The following SLC17A5 variants were observed in gnomAD, a reference collection of about 807,000 sequenced individuals.
The protein encoded by SLC17A5 is solute carrier family 17 member 5, also known as sialin.
SLC17A5 carries 47 observed loss-of-function variants against 59.4 expected under a neutral mutation model. That is an observed-to-expected ratio of 0.79 (90% CI 0.63 to 1.01). SLC17A5 has a LOEUF of 1.01. Ranked by LOEUF, SLC17A5 falls within the 50% of genes least tolerant of loss-of-function variation. The pLI, the probability that SLC17A5 is intolerant of heterozygous loss-of-function variation, is 0.00. For missense variants in SLC17A5, 522 were observed against 595.5 expected (o/e 0.88, Z 1.28); for synonymous variants, 202 against 210.7 (o/e 0.96, Z 0.36).
intron 3 of SLC17A5, among the ~76,000 whole-genome samples, chr6:73,640,023 G>A (rs1021796626): frequency 7.9e-5 from 12 of 152,142 alleles, no homozygotes; most frequent in African/African-American, 2.9e-4. Flanking sequence ...TCCAGCCTGG[G>A]CAACAGAGTG....
chr6:73,641,383 T>C (rs1769276836), intron 3 of SLC17A5, among the ~76,000 whole-genome samples: 2 of 152,176 alleles, frequency 1.3e-5, no homozygotes, highest in South Asian at 4.1e-4. Flanking sequence ...CCGGACTATC[T>C]TAACCATTTA....
chr6:73,621,692 C>T lies in SLC17A5; in HGVS notation c.978+112G>A, dbSNP rs148613295. 1,126 of 862,376 alleles carry T rather than the reference C, an allele frequency of 1.3e-3. 8 individuals are homozygous for T. The African/African-American group carries it at 0.015, about 12-fold the overall frequency. 53.4% of individuals were successfully genotyped at this position (862,376 alleles called of 1,614,324 possible). On this transcript the variant is annotated intron_variant, in intron 7 of 10. Coordinates refer to ENST00000355773, the MANE Select transcript of SLC17A5 (RefSeq NM_012434.5). The stretch of plus-strand genomic sequence containing the variant: ...GTATAAGAATCTCTAAAATTTAGGA[C>T]AGCAGAGTAAAATGGAAGATACAGA...
chr6:73,611,959 G>GT, intron 8 of SLC17A5, among the ~76,000 whole-genome samples: 1 of 151,656 alleles, frequency 6.6e-6, no homozygotes, highest in Non-Finnish European at 1.5e-5. Flanking sequence ...GGCTTCCTGA[G>GT]TAGCTGGGAC....
intron 1 of SLC17A5, among the ~76,000 whole-genome samples, chr6:73,647,037 G>A (rs879399779): frequency 6.6e-6 from 1 of 152,120 alleles, no homozygotes; most frequent in Non-Finnish European, 1.5e-5. Flanking sequence ...CTGGATGGGG[G>A]ACTCAAAAAT....
intron 3 of SLC17A5, among the ~76,000 whole-genome samples, chr6:73,639,378 T>TG (rs1769171679): frequency 6.6e-6 from 1 of 152,274 alleles, no homozygotes; most frequent in South Asian, 2.1e-4. Flanking sequence ...AGAATAAATG[T>TG]TTTAATACTT....
At position 73,631,563 on chromosome 6, in the gene SLC17A5, G is replaced by T. The variant is rs140939990; in HGVS notation, c.819+3819C>A. On this transcript the variant is annotated intron_variant, in intron 6 of 10. Coordinates refer to ENST00000355773, the MANE Select transcript of SLC17A5 (RefSeq NM_012434.5). Reference sequence around the variant, plus strand: ...CTAAGATGCCCCATGGTTCTTCATGGTGTGCTTTCTTCCTCACTGCAACGA... The same window carrying T: ...CTAAGATGCCCCATGGTTCTTCATGTTGTGCTTTCTTCCTCACTGCAACGA... 3.4e-4 allele frequency among the ~76,000 whole-genome samples: 51 copies of T among 151,924 alleles called. 1 individual carries two copies. The highest frequency in any genetic ancestry group is 1.2e-3 in the African/African-American group (51 of 41,222).
Position 73,618,378 on chromosome 6 carries a change from A to G in SLC17A5, c.979-2931T>C, listed in dbSNP as rs528457592. On this transcript the variant is annotated intron_variant, in intron 7 of 10. Transcript: ENST00000355773. ...CAAAAAATTTCCTTCATCCCTCTCC[A>G]GAAGAGGAGAAGAGGAAACACAAGA... 25 of 290,416 alleles carry G rather than the reference A, an allele frequency of 8.6e-5. No individual in the cohort carries two copies. The East Asian group carries it at 1.5e-3, about 18-fold the overall frequency. The allele number at this position is 290,416 out of a possible 1,614,324, so 18.0% of individuals were successfully genotyped here. A position where few individuals can be genotyped will look rare whatever the true frequency, so the allele number is the denominator to read the frequency against.
chr6:73,618,415 G>T (rs1317362555), intron 7 of SLC17A5: 4 of 333,564 alleles, frequency 1.2e-5, no homozygotes, highest in African/African-American at 6.4e-5. Flanking sequence ...GAAATGCCTG[G>T]TGCAGAGCAC....
intron 1 of SLC17A5, chr6:73,645,292 G>T: frequency 2.0e-6 from 2 of 984,232 alleles, no homozygotes; most frequent in Non-Finnish European, 2.4e-6. Flanking sequence ...TTCTTACCTC[G>T]AAGAGTATCC....
chr6:73,617,000 A>G (rs1767902969), intron 7 of SLC17A5, among the ~76,000 whole-genome samples: 2 of 152,056 alleles, frequency 1.3e-5, no homozygotes, highest in South Asian at 2.1e-4. Flanking sequence ...AAACAAACAA[A>G]AAAAGCTTGG....
intron 6 of SLC17A5, among the ~76,000 whole-genome samples, chr6:73,624,679 T>A (rs1433761843): frequency 6.6e-6 from 1 of 151,780 alleles, no homozygotes; most frequent in Non-Finnish European, 1.5e-5. Flanking sequence ...ATCAAGACCA[T>A]CCTGGCCAAC....
chr6:73,619,779 A>G (rs1369107574), intron 7 of SLC17A5, among the ~76,000 whole-genome samples: 1 of 152,092 alleles, frequency 6.6e-6, no homozygotes, highest in East Asian at 1.9e-4. Context: ...ACACAACATT[A>G]ATTACTGGCC....
intron 9 of SLC17A5, among the ~76,000 whole-genome samples, chr6:73,606,591 G>C (rs548778177): frequency 7.2e-4 from 107 of 149,608 alleles, no homozygotes; most frequent in Non-Finnish European, 1.3e-3. Flanking sequence ...CCACCCACCT[G>C]ATGCTTGAAG....
At chr6:73,648,714 A>G (rs964859889) in intron 1 of SLC17A5, among the ~76,000 whole-genome samples, 5 of 152,180 alleles carry the variant, frequency 3.3e-5, no homozygotes, top group African/African-American at 1.2e-4. Flanking sequence ...AAAAAGGAAC[A>G]AAAGAGGCAC....
chr6:73,625,640 C>T (rs370315286), intron 6 of SLC17A5, among the ~76,000 whole-genome samples: 3 of 150,668 alleles, frequency 2.0e-5, no homozygotes, highest in African/African-American at 7.5e-5. Flanking sequence ...ATTGAATAAA[C>T]AAAACAAAAA....
At chr6:73,642,107 A>T (rs1033898339) in intron 2 of SLC17A5, among the ~76,000 whole-genome samples, 183 bp from the exon 3 acceptor site, 1 of 152,244 alleles carries the variant, frequency 6.6e-6, no homozygotes, top group Non-Finnish European at 1.5e-5. Context: ...TTTAGAAGTG[A>T]ATGAAAAAGA....
chr6:73,604,893 TG>T (rs1581958727), intron 9 of SLC17A5, among the ~76,000 whole-genome samples: 1 of 152,350 alleles, frequency 6.6e-6, no homozygotes, highest in East Asian at 1.9e-4. Flanking sequence ...GACTATGTAT[TG>T]GAAAACCTGA....
chr6:73,630,602 C>G (rs934099403), intron 6 of SLC17A5, among the ~76,000 whole-genome samples: 1 of 152,076 alleles, frequency 6.6e-6, no homozygotes, highest in Admixed American at 6.6e-5. Context: ...CACAGAGGAC[C>G]CTCTGTGACC....
At chr6:73,619,741 G>A (rs534132018) in intron 7 of SLC17A5, among the ~76,000 whole-genome samples, 93 of 152,026 alleles carry the variant, frequency 6.1e-4, no homozygotes, top group African/African-American at 2.2e-3. Flanking sequence ...CTATGAAAAT[G>A]CAAGATAAAA....
Sources: gnomAD v4.1 joint callset for allele counts (sites outside exome capture counted in the v4.1 genomes callset) on GRCh38, gnomAD v4.1.1 for gene constraint, MANE v1.5 for transcripts, NCBI Gene and HGNC (gene_info 2026-07-23, HGNC 2026-07-21) for gene names.